Variants in WDPCP observed in about 807,000 individuals in gnomAD.
The protein encoded by WDPCP is WD repeat-containing and planar cell polarity effector protein fritz homolog.
WDPCP carries 71 observed loss-of-function variants against 93.1 expected under a neutral mutation model. The observed-to-expected ratio is 0.76, with a 90% CI of 0.63 to 0.93. The LOEUF (loss-of-function observed/expected upper bound fraction) is 0.93. Among genes scored for constraint, WDPCP ranks in the 40% least tolerant of loss-of-function variants. WDPCP has a pLI of 0.00. For missense variants in WDPCP, 844 were observed against 887.4 expected (o/e 0.95, Z 0.62); for synonymous variants, 315 against 315.0 (o/e 1.00, Z 0.00).
At chr2:63,818,909 C>T (rs1459199866) in intron 1 of WDPCP, among the ~76,000 whole-genome samples, 1 of 151,948 alleles carries the variant, frequency 6.6e-6, no homozygotes, top group South Asian at 2.1e-4. Flanking sequence ...TAAGTGGTGG[C>T]GATTATATGG....
intron 17 of WDPCP, among the ~76,000 whole-genome samples, chr2:63,148,416 T>G (rs947131407): frequency 6.6e-6 from 1 of 152,220 alleles, no homozygotes. Context: ...CTTTCCTCAC[T>G]GCAACCTCTG....
At chr2:63,531,250 C>T (rs2106236739) in intron 1 of WDPCP, among the ~76,000 whole-genome samples, 1 of 152,358 alleles carries the variant, frequency 6.6e-6, no homozygotes, top group South Asian at 2.1e-4. Context: ...CTGTAGACTC[C>T]ACCTCTGGGG....
intron 12 of WDPCP, among the ~76,000 whole-genome samples, chr2:63,337,378 A>G (rs184339101): frequency 6.6e-6 from 1 of 152,206 alleles, no homozygotes; most frequent in East Asian, 1.9e-4. Flanking sequence ...TTCTTTATCC[A>G]TCCATCCATT....
rs190144851 is a variant in WDPCP at position 63,799,645 on chromosome 2, A to G, written n.308+13977T>C. 2.4e-3 allele frequency among the ~76,000 whole-genome samples: 366 copies of G among 152,314 alleles called. 1 individual carries two copies. The highest frequency in any genetic ancestry group is 4.0e-3 in the Non-Finnish European group (270 of 68,004). ...AAATATTTTAGGTCTCATGGGCCACAAAAAGTCTTTGTCTCATATTCTTCT... is the reference window on the plus strand; with the variant it reads ...AAATATTTTAGGTCTCATGGGCCACGAAAAGTCTTTGTCTCATATTCTTCT... On this transcript the variant is annotated intron_variant and non_coding_transcript_variant, in intron 2 of 4. Transcript: ENST00000467687.
chr2:63,269,894 C>T (rs1575025004), intron 13 of WDPCP, among the ~76,000 whole-genome samples: 1 of 152,178 alleles, frequency 6.6e-6, no homozygotes, highest in African/African-American at 2.4e-5. Flanking sequence ...TTCACCTACA[C>T]ATAAATGTGT....
intron 17 of WDPCP, among the ~76,000 whole-genome samples, chr2:63,149,455 A>G (rs1671750410): frequency 6.6e-6 from 1 of 152,214 alleles, no homozygotes; most frequent in South Asian, 2.1e-4. Context: ...AAATATTTGG[A>G]ATTATTTATT....
intron 9 of WDPCP, 132 bp from the exon 10 acceptor site, chr2:63,404,789 G>A: frequency 9.7e-7 from 1 of 1,027,302 alleles, no homozygotes; most frequent in Non-Finnish European, 1.4e-6. Context: ...CAACATACAA[G>A]TATATAAAGT....
intron 9 of WDPCP, among the ~76,000 whole-genome samples, chr2:63,406,437 A>G (rs1279914312): frequency 6.6e-6 from 1 of 152,210 alleles, no homozygotes; most frequent in Non-Finnish European, 1.5e-5. Context: ...TAGGGATATG[A>G]CATTGCATAA....
chr2:63,766,271 G>C (rs1393397767), intron 2 of WDPCP, among the ~76,000 whole-genome samples: 2 of 151,866 alleles, frequency 1.3e-5, no homozygotes, highest in African/African-American at 4.8e-5. Flanking sequence ...TTTTATTTAA[G>C]GTATGTTTTT....
At chr2:63,231,109 A>G (rs1296817560) in intron 14 of WDPCP, among the ~76,000 whole-genome samples, 2 of 152,148 alleles carry the variant, frequency 1.3e-5, no homozygotes, top group African/African-American at 4.8e-5. Flanking sequence ...AAATCAATAA[A>G]CGTAATCCAT....
At chr2:63,803,050 A>T (rs139028307) in intron 2 of WDPCP, among the ~76,000 whole-genome samples, 325 of 152,348 alleles carry the variant, frequency 2.1e-3, no homozygotes, top group African/African-American at 7.5e-3. Context: ...CAAACAAGCT[A>T]TATATGGAGT....
chr2:63,805,541 C>A (rs1044792253), intron 2 of WDPCP, among the ~76,000 whole-genome samples: 1 of 152,032 alleles, frequency 6.6e-6, no homozygotes, highest in African/African-American at 2.4e-5. Flanking sequence ...TTCACTCCAC[C>A]CAATTATGAT....
intron 2 of WDPCP, among the ~76,000 whole-genome samples, chr2:63,655,391 A>C (rs933793790): frequency 5.9e-5 from 9 of 151,864 alleles, no homozygotes; most frequent in African/African-American, 1.5e-4. Flanking sequence ...ACATATATAC[A>C]TGCTACATAT....
At chr2:63,378,658 G>A in intron 11 of WDPCP, 149 bp from the exon 12 acceptor site, 15 of 1,107,714 alleles carry the variant, frequency 1.4e-5, no homozygotes, top group Non-Finnish European at 2.0e-5. Flanking sequence ...ATGACAGCTG[G>A]TACAAAAACA....
At chr2:63,527,090 G>A (rs1314379998) in intron 1 of WDPCP, among the ~76,000 whole-genome samples, 2 of 152,114 alleles carry the variant, frequency 1.3e-5, no homozygotes, top group East Asian at 1.9e-4. Flanking sequence ...TGAGGTGCTG[G>A]ACAATAATTC....
intron 14 of WDPCP, among the ~76,000 whole-genome samples, chr2:63,257,337 T>G (rs371736632): frequency 2.0e-5 from 3 of 152,218 alleles, no homozygotes; most frequent in Admixed American, 2.0e-4. Context: ...TTGAGGGAAT[T>G]TGAAAGAAAA....
intron 1 of WDPCP, among the ~76,000 whole-genome samples, chr2:63,499,696 G>T (rs1405804800): frequency 6.6e-6 from 1 of 152,210 alleles, no homozygotes; most frequent in Non-Finnish European, 1.5e-5. Context: ...CTGATGATTT[G>T]TAAGAGACAG....
chr2:63,523,353 C>T (rs981705605), intron 1 of WDPCP, among the ~76,000 whole-genome samples: 1 of 152,166 alleles, frequency 6.6e-6, no homozygotes, highest in Non-Finnish European at 1.5e-5. Context: ...CAGCATCATA[C>T]TGAATGGGCA....
intron 13 of WDPCP, among the ~76,000 whole-genome samples, chr2:63,270,421 T>A (rs1197921860): frequency 1.3e-5 from 2 of 151,910 alleles, no homozygotes; most frequent in Admixed American, 6.6e-5. Context: ...GACTATTTAA[T>A]TTTTTTTTAT....
Sources: allele counts gnomAD v4.1 joint callset (sites outside exome capture counted in the v4.1 genomes callset), GRCh38; gene constraint gnomAD v4.1.1; transcripts MANE v1.5; gene names NCBI Gene and HGNC (gene_info 2026-07-23, HGNC 2026-07-21).